The following NALF1 variants were observed in gnomAD, a reference collection of about 807,000 sequenced individuals.
NALF1 encodes NALCN channel auxiliary factor 1.
A neutral mutation model predicts 48.4 loss-of-function variants in NALF1; 3 were observed. That is an observed-to-expected ratio of 0.06 (90% confidence interval 0.03 to 0.16). The LOEUF (loss-of-function observed/expected upper bound fraction) is 0.16, where lower values mean the gene tolerates loss of function less well. Ranked by LOEUF, NALF1 falls within the 10% of genes least tolerant of loss-of-function variation. The pLI, the probability that NALF1 is intolerant of heterozygous loss-of-function variation, is 1.00. For synonymous variants in NALF1, 262 were observed against 245.7 expected (o/e 1.07, Z -0.62); for missense variants, 526 against 571.5 (o/e 0.92, Z 0.81).
At chr13:107,562,368 C>T (rs1039509451) in intron 1 of NALF1, among the ~76,000 whole-genome samples, 1 of 152,118 alleles carries the variant, frequency 6.6e-6, no homozygotes, top group Non-Finnish European at 1.5e-5. Context: ...CCTTATGTGC[C>T]ACTCATGTCT....
chr13:107,796,748 G>A (rs533785288), intron 1 of NALF1, among the ~76,000 whole-genome samples: 21 of 150,852 alleles, frequency 1.4e-4, no homozygotes, highest in South Asian at 8.8e-4. Flanking sequence ...TCTCCATGAC[G>A]TTATCAGAGT....
intron 1 of NALF1, among the ~76,000 whole-genome samples, chr13:107,219,061 C>T (rs557563122): frequency 2.2e-4 from 34 of 152,172 alleles, no homozygotes; most frequent in Non-Finnish European, 3.8e-4. Flanking sequence ...CTGCCTTCAC[C>T]GGATTATCAT....
chr13:107,829,863 T>G lies in NALF1; in HGVS notation c.915+35819A>C, dbSNP rs183087288. 1.3e-4 allele frequency among the ~76,000 whole-genome samples: 20 copies of G among 152,326 alleles called. No individual in the cohort carries two copies. In the East Asian group the frequency reaches 3.5e-3, roughly 26 times the overall value. ...ATACGATTTTTTAAATTTCTCTTTA[T>G]GCACTATCATCTGTACCAAAGATGT... On this transcript the variant is annotated intron_variant, in intron 1 of 2. Transcript: ENST00000375915.
chr13:107,692,919 T>C (rs904530214), intron 1 of NALF1, among the ~76,000 whole-genome samples: 3 of 152,192 alleles, frequency 2.0e-5, no homozygotes, highest in African/African-American at 7.2e-5. Flanking sequence ...TTGGGTTGGT[T>C]CCAAGTCTTT....
In NALF1 at chr13:107,703,739, C is replaced by T. The variant is rs74397651; in HGVS notation, c.915+161943G>A. 6.0e-3 allele frequency among the ~76,000 whole-genome samples: 917 copies of T among 152,148 alleles called. 7 individuals carry two copies. The highest frequency in any genetic ancestry group is 0.021 in the African/African-American group (877 of 41,516). Reference sequence around the variant, plus strand: ...AAACTTACTTCTTTTCTTTTTCCCCCGGAGTCCTTCAGTCTGGAACTTTAG... The same window carrying T: ...AAACTTACTTCTTTTCTTTTTCCCCTGGAGTCCTTCAGTCTGGAACTTTAG... On this transcript the variant is annotated intron_variant, in intron 1 of 2. Coordinates refer to ENST00000375915, the MANE Select transcript of NALF1 (RefSeq NM_001080396.3).
chr13:107,374,137 C>T (rs1035889063), intron 1 of NALF1, among the ~76,000 whole-genome samples: 1 of 152,174 alleles, frequency 6.6e-6, no homozygotes, highest in African/African-American at 2.4e-5. Flanking sequence ...ATTGTAACAT[C>T]CATCAGTGTC....
Position 107,323,094 on chromosome 13 carries a change from T to C in NALF1, c.916-112339A>G, listed in dbSNP as rs113927490. Among the ~76,000 whole-genome samples, 543 of 152,212 alleles carry C rather than the reference T, an allele frequency of 3.6e-3. 4 individuals carry two copies. The highest frequency in any genetic ancestry group is 0.012 in the African/African-American group (512 of 41,536). Reference sequence around the variant, plus strand: ...GTTTTCTGACTTTATTAATAGACCATTGGAGTATTGACAAGCAAGGACCAG... The same window carrying C: ...GTTTTCTGACTTTATTAATAGACCACTGGAGTATTGACAAGCAAGGACCAG... On this transcript the variant is annotated intron_variant, in intron 1 of 2. Coordinates refer to ENST00000375915, the MANE Select transcript of NALF1 (RefSeq NM_001080396.3).
At chr13:107,818,233 G>T (rs1350805483) in intron 1 of NALF1, among the ~76,000 whole-genome samples, 1 of 152,098 alleles carries the variant, frequency 6.6e-6, no homozygotes, top group Non-Finnish European at 1.5e-5. Context: ...ACACGGAGGG[G>T]CTGTGATCCA....
intron 1 of NALF1, among the ~76,000 whole-genome samples, chr13:107,607,788 G>A (rs938355446): frequency 6.6e-5 from 10 of 152,260 alleles, no homozygotes; most frequent in African/African-American, 1.9e-4. Flanking sequence ...TCTTTCAAAT[G>A]AGAAAAATAC....
intron 1 of NALF1, among the ~76,000 whole-genome samples, chr13:107,446,445 T>G (rs940675995): frequency 1.2e-4 from 18 of 144,222 alleles, no homozygotes; most frequent in African/African-American, 4.3e-4. Context: ...ATATTTTTAC[T>G]AAATTGGAAT....
chr13:107,703,706 G>C (rs547604041), intron 1 of NALF1, among the ~76,000 whole-genome samples: 3 of 151,986 alleles, frequency 2.0e-5, no homozygotes, highest in Non-Finnish European at 4.4e-5. Flanking sequence ...ATTTTCAAAC[G>C]CATCTGGAAA....
At chr13:107,481,901 G>T (rs541025741) in intron 1 of NALF1, among the ~76,000 whole-genome samples, 17 of 152,216 alleles carry the variant, frequency 1.1e-4, no homozygotes, top group Admixed American at 3.9e-4. Flanking sequence ...AGAAGTAGAG[G>T]AAGTTGACTT....
intron 1 of NALF1, among the ~76,000 whole-genome samples, chr13:107,427,061 A>G (rs1884292889): frequency 6.6e-6 from 1 of 151,820 alleles, no homozygotes; most frequent in Non-Finnish European, 1.5e-5. Flanking sequence ...TATATATTCT[A>G]ACTTTGCATG....
Position 107,323,901 on chromosome 13 carries a change from C to T in NALF1, c.916-113146G>A, listed in dbSNP as rs142967391. ...GCTGAGGCAGAAGGATCGCTTGACC[C>T]CAGGAGTTGATCAGCCTGAGCAACA... On this transcript the variant is annotated intron_variant, in intron 1 of 2. Coordinates refer to ENST00000375915, the MANE Select transcript of NALF1 (RefSeq NM_001080396.3). 5.9e-5 allele frequency among the ~76,000 whole-genome samples: 9 copies of T among 152,150 alleles called. No homozygotes were observed. The South Asian group carries it at 1.7e-3, about 28-fold the overall frequency.
At chr13:107,728,688 T>G (rs1876227080) in intron 1 of NALF1, among the ~76,000 whole-genome samples, 1 of 131,288 alleles carries the variant, frequency 7.6e-6, no homozygotes, top group East Asian at 2.1e-4. Context: ...ATCCCAGAAC[T>G]TAAAGTAAAA....
intron 1 of NALF1, among the ~76,000 whole-genome samples, chr13:107,527,816 C>A (rs1381964092): frequency 6.6e-6 from 1 of 152,134 alleles, no homozygotes; most frequent in Non-Finnish European, 1.5e-5. Flanking sequence ...CTGCTTCTGC[C>A]ATGATTGTGA....
chr13:107,170,380 T>C lies in NALF1; in HGVS notation c.*117A>G, dbSNP rs1878773236. 3.0e-6 allele frequency: 3 copies of C among 1,000,170 alleles called. No individual in the cohort carries two copies. Among genetic ancestry groups the C allele is most frequent in the South Asian group, 3.3e-5 (2 of 60,630 alleles). 62.0% of individuals were successfully genotyped at this position (1,000,170 alleles called of 1,614,324 possible). On this transcript the variant is annotated 3_prime_UTR_variant, in exon 3 of 3. Transcript: ENST00000375915. ...AGGCCCATCTGTTTAAATTTTACCCTAAAGGCCTTGCAATAAGTAATTCGA... is the reference window on the plus strand; with the variant it reads ...AGGCCCATCTGTTTAAATTTTACCCCAAAGGCCTTGCAATAAGTAATTCGA...
intron 1 of NALF1, among the ~76,000 whole-genome samples, chr13:107,269,109 G>T (rs565433683): frequency 9.2e-5 from 14 of 151,556 alleles, no homozygotes; most frequent in Middle Eastern, 3.4e-3. Context: ...ATTGCAGTAA[G>T]CTATGATCAC....
At chr13:107,551,353 A>T (rs1158089691) in intron 1 of NALF1, among the ~76,000 whole-genome samples, 1 of 152,102 alleles carries the variant, frequency 6.6e-6, no homozygotes, top group Admixed American at 6.6e-5. Flanking sequence ...GTCGATAATC[A>T]TATCTTTATC....
Sources: gnomAD v4.1 joint callset for allele counts (sites outside exome capture counted in the v4.1 genomes callset) on GRCh38, gnomAD v4.1.1 for gene constraint, MANE v1.5 for transcripts, NCBI Gene and HGNC (gene_info 2026-07-23, HGNC 2026-07-21) for gene names.